Variants in GALNT9 observed in about 807,000 individuals in gnomAD.
GALNT9 encodes the protein polypeptide N-acetylgalactosaminyltransferase 9, also known as GalNAc transferase 9.
A neutral mutation model predicts 63.1 loss-of-function variants in GALNT9; 47 were observed. The ratio of observed to expected loss-of-function variants is 0.75; its 90% CI spans 0.59 to 0.95. GALNT9 has a LOEUF of 0.95. Ranked by LOEUF, GALNT9 falls within the 40% of genes least tolerant of loss-of-function variation. The pLI, the probability that GALNT9 is intolerant of heterozygous loss-of-function variation, is 0.00. For synonymous variants in GALNT9, 396 were observed against 365.7 expected (o/e 1.08, Z -0.94); for missense variants, 829 against 874.8 (o/e 0.95, Z 0.66).
intron 1 of GALNT9, among the ~76,000 whole-genome samples, chr12:132,306,565 C>T (rs1209885302): frequency 1.3e-5 from 2 of 152,188 alleles, no homozygotes; most frequent in African/African-American, 2.4e-5. Flanking sequence ...ACAGGTGCGT[C>T]TCCAGGCCTT....
At chr12:132,324,320 G>C (rs868975805) in intron 1 of GALNT9, among the ~76,000 whole-genome samples, 3 of 152,198 alleles carry the variant, frequency 2.0e-5, no homozygotes, top group South Asian at 4.1e-4. Flanking sequence ...GGCCGAGCCT[G>C]TGCGCCTCCA....
intron 2 of GALNT9, among the ~76,000 whole-genome samples, chr12:132,281,250 GAACAA>G (rs1880331227): frequency 2.0e-5 from 3 of 152,212 alleles, no homozygotes; most frequent in Non-Finnish European, 2.9e-5. Context: ...TGTTGCACGT[GAACAA>G]TTCCCTGTGA....
At position 132,304,771 on chromosome 12, in the gene GALNT9, A is replaced by G. The variant is rs376335007; in HGVS notation, c.239-18341T>C. On this transcript the variant is annotated intron_variant, in intron 1 of 10. Transcript: ENST00000328957. Reference sequence around the variant, plus strand: ...CACAGCCTCGCCCGGGCACACCCTCACCCGGGCACACCCTCGCCCAGACAC... The same window carrying G: ...CACAGCCTCGCCCGGGCACACCCTCGCCCGGGCACACCCTCGCCCAGACAC... Among the ~76,000 whole-genome samples, 29 of 13,616 alleles carry G rather than the reference A, an allele frequency of 2.1e-3. 1 individual carries two copies. The highest frequency in any genetic ancestry group is 0.056 in the Middle Eastern group (1 of 18). 8.9% of individuals were successfully genotyped at this position (13,616 alleles called of 152,430 possible).
At chr12:132,268,125 ACACACT>A (rs1555240411) in intron 2 of GALNT9, among the ~76,000 whole-genome samples, 7 of 144,956 alleles carry the variant, frequency 4.8e-5, no homozygotes, top group African/African-American at 8.6e-5. Context: ...AAACCCACAC[ACACACT>A]CACGCTCACA....
chr12:132,248,820 A>G (rs1311081234), intron 5 of GALNT9, among the ~76,000 whole-genome samples: 2 of 152,210 alleles, frequency 1.3e-5, no homozygotes, highest in African/African-American at 4.8e-5. Context: ...TATGCTAGTT[A>G]TATTTTTTCT....
chr12:132,215,074 G>A (rs1330601649), intron 6 of GALNT9, among the ~76,000 whole-genome samples: 1 of 152,242 alleles, frequency 6.6e-6, no homozygotes, highest in Non-Finnish European at 1.5e-5. Context: ...ACGCTGTCCT[G>A]CCCGTTTAAG....
At chr12:132,325,945 G>A (rs564945638) in intron 1 of GALNT9, among the ~76,000 whole-genome samples, 6 of 152,378 alleles carry the variant, frequency 3.9e-5, no homozygotes, top group South Asian at 2.1e-4. Flanking sequence ...CCGCTGCGAC[G>A]CGGGCGACCG....
At chr12:132,268,212 C>T (rs1555240418) in intron 2 of GALNT9, among the ~76,000 whole-genome samples, 2 of 151,998 alleles carry the variant, frequency 1.3e-5, no homozygotes, top group African/African-American at 4.8e-5. Context: ...CACACCCATA[C>T]ACACATTCAC....
chr12:132,288,175 C>G (rs1555242373), intron 1 of GALNT9, among the ~76,000 whole-genome samples: 1 of 152,164 alleles, frequency 6.6e-6, no homozygotes, highest in Non-Finnish European at 1.5e-5. Flanking sequence ...GGACCGATGC[C>G]CTGGGAAGAT....
At chr12:132,257,452 ATCCCCGGCCCTCG>A (rs1879167766) in intron 5 of GALNT9, among the ~76,000 whole-genome samples, 4 of 136,182 alleles carry the variant, frequency 2.9e-5, no homozygotes, top group African/African-American at 1.2e-4. Context: ...CCATGCCCTC[ATCCCCGGCCCTCG>A]TCCCCACGCC....
At chr12:132,253,886 G>C (rs1169197271) in intron 5 of GALNT9, among the ~76,000 whole-genome samples, 1 of 152,244 alleles carries the variant, frequency 6.6e-6, no homozygotes, top group African/African-American at 2.4e-5. Context: ...CTGGGTGGCA[G>C]CTGCTCCCCT....
At chr12:132,311,230 C>A (rs1555245145) in intron 1 of GALNT9, among the ~76,000 whole-genome samples, 1 of 152,144 alleles carries the variant, frequency 6.6e-6, no homozygotes, top group African/African-American at 2.4e-5. Context: ...GTGACTTTGA[C>A]ATTTCAAAGA....
At chr12:132,225,791 C>T (rs1877651058) in intron 6 of GALNT9, among the ~76,000 whole-genome samples, 1 of 144,404 alleles carries the variant, frequency 6.9e-6, no homozygotes, top group Non-Finnish European at 1.5e-5. Flanking sequence ...CCCACACACG[C>T]CACACAACCC....
chr12:132,298,189 G>C (rs28578989), intron 1 of GALNT9, among the ~76,000 whole-genome samples: 3 of 151,222 alleles, frequency 2.0e-5, no homozygotes, highest in Non-Finnish European at 4.4e-5. Context: ...TAACTAACTC[G>C]TTCCCAAGGA....
chr12:132,240,544 C>A lies in GALNT9; in HGVS notation c.1077+7366G>T, dbSNP rs2136898558. On this transcript the variant is annotated intron_variant, in intron 6 of 10. Transcript: ENST00000328957. Reference sequence around the variant, plus strand: ...CAGTGCTGCTGTGGGCCTGGCGTGGCCCCAGGGCTCAGCTGTGGGCTCCGT... The same window carrying A: ...CAGTGCTGCTGTGGGCCTGGCGTGGACCCAGGGCTCAGCTGTGGGCTCCGT... The A allele has an allele frequency of 3.4e-5, 15 of 445,504 alleles. No homozygotes were observed. In the East Asian group the frequency reaches 7.1e-4, roughly 21 times the overall value. The allele number at this position is 445,504 out of a possible 1,614,324, so 27.6% of individuals were successfully genotyped here.
chr12:132,255,401 C>A (rs557642701), intron 5 of GALNT9, among the ~76,000 whole-genome samples: 1 of 152,158 alleles, frequency 6.6e-6, no homozygotes, highest in Non-Finnish European at 1.5e-5. Flanking sequence ...TAGAGACTTC[C>A]CTTTCTTTTG....
rs1555242185 is a variant in GALNT9 at position 132,286,362 on chromosome 12, G to A, written c.307C>T (p.Leu103=). Residue 103 remains leucine (L), a synonymous_variant, in exon 2 of 11, where the codon CTG becomes TTG. Coordinates refer to ENST00000328957, the MANE Select transcript of GALNT9 (RefSeq NM_001122636.2). The surrounding 1 kb of genome is among the most constrained non-coding windows in gnomAD (Gnocchi z 7.4). ...TCCGCCTCCTGGCCGTCATCACGCA[G>A]GGTGGCCGCCAAGCCACCCTGGCCC... ...GLGQGGLAAT[L]RDDGQEAEGK... 1.3e-6 allele frequency: 2 copies of A among 1,550,900 alleles called. No individual in the cohort carries two copies. Among genetic ancestry groups the A allele is most frequent in the South Asian group, 2.4e-5 (2 of 84,060 alleles).
At chr12:132,299,986 C>A (rs1360504288) in intron 1 of GALNT9, among the ~76,000 whole-genome samples, 2 of 147,784 alleles carry the variant, frequency 1.4e-5, no homozygotes, top group African/African-American at 2.5e-5. Flanking sequence ...CCTAACCCAC[C>A]CCTCAGATGA....
Position 132,257,790 on chromosome 12 carries a change from C to G in GALNT9, c.858G>C (p.Gln286His). 1.9e-6 allele frequency: 3 copies of G among 1,550,488 alleles called. No homozygotes were observed. Among genetic ancestry groups the G allele is most frequent in the Non-Finnish European group, 2.6e-6 (3 of 1,146,854 alleles). Residue 286 changes from glutamine (Q) to histidine (H), a missense_variant, in exon 5 of 11, where the codon CAG becomes CAC. Coordinates refer to ENST00000328957, the MANE Select transcript of GALNT9 (RefSeq NM_001122636.2). The part of the protein sequence containing the change: ...NIKYSTFEVQ[Q>H]YANAAHGYNW... ...TGTAGCCATGGGCGGCGTTCGCATA[C>G]TGCTGCACCTCAAACGTGCTGTACT... is the stretch of plus-strand genomic sequence containing the variant.
Sources: gnomAD v4.1 joint callset for allele counts (sites outside exome capture counted in the v4.1 genomes callset) on GRCh38, gnomAD v4.1.1 for gene constraint, Gnocchi (gnomAD v3.1) non-coding constraint, MANE v1.5 for transcripts, NCBI Gene and HGNC (gene_info 2026-07-23, HGNC 2026-07-21) for gene names.